PTPRT: variants seen among roughly 807,000 people sequenced by gnomAD.
The protein encoded by PTPRT is receptor-type tyrosine-protein phosphatase T.
PTPRT carries 56 observed loss-of-function variants against 176.8 expected under a neutral mutation model. The ratio of observed to expected loss-of-function variants is 0.32; its 90% CI spans 0.26 to 0.40. The LOEUF (loss-of-function observed/expected upper bound fraction) is 0.40, where lower values mean the gene tolerates loss of function less well. Ranked by LOEUF, PTPRT falls within the 10% of genes least tolerant of loss-of-function variation. PTPRT has a pLI of 1.00. For missense variants in PTPRT, 1,540 were observed against 1,908.2 expected, an observed-to-expected ratio of 0.81 and a Z score of 3.60; for synonymous variants, 783 against 739.0, an observed-to-expected ratio of 1.06 and a Z score of -0.96.
Position 42,479,027 on chromosome 20 carries a change from A to G in PTPRT, c.1154-6465T>C, listed in dbSNP as rs563303304. 1.1e-4 allele frequency among the ~76,000 whole-genome samples: 17 copies of G among 152,298 alleles called. No individual in the cohort carries two copies. The East Asian group carries it at 1.7e-3, about 16-fold the overall frequency. On this transcript the variant is annotated intron_variant, in intron 7 of 30. Transcript: ENST00000373187. ...TGAATCAGGATCTCCTTACACTCCA[A>G]TTGTTAAGGGTAATCATGTGGTTAA...
intron 2 of PTPRT, among the ~76,000 whole-genome samples, chr20:42,847,494 G>A (rs906494741): frequency 8.5e-5 from 13 of 152,180 alleles, no homozygotes; most frequent in African/African-American, 3.1e-4. Context: ...AAAGGGTCGC[G>A]TGAACACCAC....
chr20:43,176,862 A>C (rs1157623008), intron 1 of PTPRT, among the ~76,000 whole-genome samples: 1 of 152,172 alleles, frequency 6.6e-6, no homozygotes, highest in Non-Finnish European at 1.5e-5. Flanking sequence ...CATAGCAAAA[A>C]TTGGGATGCT....
intron 1 of PTPRT, among the ~76,000 whole-genome samples, chr20:43,164,624 CT>C (rs1426349719): frequency 2.6e-5 from 4 of 152,152 alleles, no homozygotes; most frequent in Admixed American, 2.6e-4. Flanking sequence ...GCCCACAAAC[CT>C]TTTCTGTAGA....
chr20:42,788,467 C>T (rs1433632003), intron 3 of PTPRT, among the ~76,000 whole-genome samples: 2 of 152,132 alleles, frequency 1.3e-5, no homozygotes, highest in Non-Finnish European at 2.9e-5. Context: ...CTGCCTCTGG[C>T]TCTTGGTCAC....
intron 9 of PTPRT, among the ~76,000 whole-genome samples, chr20:42,430,692 A>G (rs765810895): frequency 2.0e-5 from 3 of 152,194 alleles, no homozygotes; most frequent in Non-Finnish European, 2.9e-5. Flanking sequence ...TCTACTTGCT[A>G]TTGAAGGGCA....
At chr20:42,249,479 C>T (rs577741420) in intron 13 of PTPRT, among the ~76,000 whole-genome samples, 1 of 152,292 alleles carries the variant, frequency 6.6e-6, no homozygotes, top group East Asian at 1.9e-4. Flanking sequence ...GGAGGCAGGT[C>T]ACTGGCCACT....
intron 9 of PTPRT, among the ~76,000 whole-genome samples, chr20:42,410,004 G>T (rs1313806400): frequency 1.3e-5 from 2 of 152,022 alleles, no homozygotes; most frequent in Non-Finnish European, 2.9e-5. Context: ...ATAAAAATTT[G>T]ATTCAAAGAA....
chr20:42,786,325 C>T (rs1250591520), intron 3 of PTPRT, among the ~76,000 whole-genome samples: 1 of 152,170 alleles, frequency 6.6e-6, no homozygotes, highest in Non-Finnish European at 1.5e-5. Flanking sequence ...ACCTAATATC[C>T]TCTCCATTCT....
chr20:42,108,908 C>T (rs775348481), intron 23 of PTPRT, among the ~76,000 whole-genome samples: 9 of 152,316 alleles, frequency 5.9e-5, no homozygotes, highest in East Asian at 3.9e-4. Flanking sequence ...CATCATGCGC[C>T]GAAGTCCTGA....
intron 7 of PTPRT, among the ~76,000 whole-genome samples, chr20:42,560,825 G>C (rs560624027): frequency 6.6e-6 from 1 of 152,276 alleles, no homozygotes; most frequent in African/African-American, 2.4e-5. Flanking sequence ...CCACTGGAAG[G>C]AAACACTTCT....
At chr20:42,990,140 T>G (rs151037506) in intron 1 of PTPRT, among the ~76,000 whole-genome samples, 4 of 152,332 alleles carry the variant, frequency 2.6e-5, no homozygotes, top group Admixed American at 2.0e-4. Flanking sequence ...ATATGCACTT[T>G]TAAAAGACAT....
In PTPRT at chr20:42,459,112, C is replaced by T. The variant is rs569513850; in HGVS notation, c.1451-10783G>A. Reference sequence around the variant, plus strand: ...CTGAGAGGTGACATTGGAAAAAAGACTTGAAGAAGCTGAAGGAACCATCCT... The same window carrying T: ...CTGAGAGGTGACATTGGAAAAAAGATTTGAAGAAGCTGAAGGAACCATCCT... On this transcript the variant is annotated intron_variant, in intron 8 of 30. Coordinates refer to ENST00000373187, the MANE Select transcript of PTPRT (RefSeq NM_007050.6). Among the ~76,000 whole-genome samples the T allele has an allele frequency of 4.6e-5, 7 of 152,234 alleles. No individual in the cohort carries two copies. In the South Asian group the frequency reaches 8.3e-4, roughly 18 times the overall value.
At chr20:43,030,344 A>G (rs1986090651) in intron 1 of PTPRT, among the ~76,000 whole-genome samples, 1 of 152,208 alleles carries the variant, frequency 6.6e-6, no homozygotes. Flanking sequence ...GGAGGGCTTC[A>G]TAGAAATACC....
At chr20:42,925,674 T>G (rs1201388683) in intron 1 of PTPRT, among the ~76,000 whole-genome samples, 1 of 151,958 alleles carries the variant, frequency 6.6e-6, no homozygotes, top group Non-Finnish European at 1.5e-5. Context: ...ACCTGGAGAA[T>G]CATTCAGATT....
intron 18 of PTPRT, among the ~76,000 whole-genome samples, chr20:42,131,811 C>G (rs1988135355): frequency 6.6e-6 from 1 of 152,136 alleles, no homozygotes; most frequent in African/African-American, 2.4e-5. Flanking sequence ...TGTGTAGTGA[C>G]ATGTGAATGA....
chr20:43,015,028 A>G (rs1455645406), intron 1 of PTPRT, among the ~76,000 whole-genome samples: 1 of 152,204 alleles, frequency 6.6e-6, no homozygotes, highest in Non-Finnish European at 1.5e-5. Context: ...ACCGTTCTCC[A>G]CTGTGACCAT....
At chr20:42,120,540 C>G (rs964180872) in intron 19 of PTPRT, among the ~76,000 whole-genome samples, 2 of 152,200 alleles carry the variant, frequency 1.3e-5, no homozygotes, top group Non-Finnish European at 2.9e-5. Flanking sequence ...GAAGGCTGAC[C>G]TGGGAGACCC....
intron 9 of PTPRT, among the ~76,000 whole-genome samples, chr20:42,419,087 T>C (rs899485798): frequency 2.0e-5 from 3 of 152,164 alleles, no homozygotes; most frequent in Non-Finnish European, 4.4e-5. Flanking sequence ...CCCCACAGGG[T>C]GCTGCCAATA....
At chr20:42,735,580 T>C (rs1174185727) in intron 6 of PTPRT, among the ~76,000 whole-genome samples, 3 of 152,228 alleles carry the variant, frequency 2.0e-5, no homozygotes, top group African/African-American at 7.2e-5. Context: ...ATAGTCTTTT[T>C]CAGTAGCCCT....
Sources: gnomAD v4.1 joint callset for allele counts (sites outside exome capture counted in the v4.1 genomes callset) on GRCh38, gnomAD v4.1.1 for gene constraint, MANE v1.5 for transcripts, NCBI Gene and HGNC (gene_info 2026-07-23, HGNC 2026-07-21) for gene names.